Variants in MAP3K5 observed in about 807,000 individuals in gnomAD.
The protein encoded by MAP3K5 is mitogen-activated protein kinase kinase kinase 5, also known as ASK-1.
MAP3K5 carries 56 observed loss-of-function variants against 158.7 expected under a neutral mutation model. That is an observed-to-expected ratio of 0.35 (90% CI 0.28 to 0.44). MAP3K5 has a LOEUF of 0.44. MAP3K5 is among the 20% of genes least tolerant of loss of function. The probability of loss-of-function intolerance (pLI) is 1.00; values close to 1 mark genes in which losing one functional copy is unlikely to be tolerated. For synonymous variants in MAP3K5, 579 were observed against 601.7 expected, an observed-to-expected ratio of 0.96 and a Z score of 0.55; for missense variants, 1,294 against 1,674.8, an observed-to-expected ratio of 0.77 and a Z score of 3.97.
chr6:136,754,387 G>A (rs1783372038), intron 1 of MAP3K5, among the ~76,000 whole-genome samples: 1 of 152,090 alleles, frequency 6.6e-6, no homozygotes, highest in Non-Finnish European at 1.5e-5. Flanking sequence ...ACACCAGCCT[G>A]GGCAACATGG....
chr6:136,739,912 C>T (rs896640359), intron 1 of MAP3K5, among the ~76,000 whole-genome samples: 1 of 152,214 alleles, frequency 6.6e-6, no homozygotes, highest in African/African-American at 2.4e-5. Context: ...GCACCATTAG[C>T]TGTCCCTTCC....
chr6:136,669,423 A>G (rs1299498208), intron 7 of MAP3K5, 28 bp from the exon 8 acceptor site: 1 of 1,308,992 alleles, frequency 7.6e-7, no homozygotes, highest in African/African-American at 1.5e-5. Context: ...TGTACAAGTT[A>G]ACTTTCTCAA....
chr6:136,786,870 T>C (rs1245248623), intron 1 of MAP3K5, among the ~76,000 whole-genome samples: 4 of 150,994 alleles, frequency 2.6e-5, no homozygotes, highest in African/African-American at 9.8e-5. Context: ...AGTAGCACGA[T>C]TTCAGCTCAC....
At chr6:136,710,325 C>T (rs764400074) in intron 2 of MAP3K5, among the ~76,000 whole-genome samples, 1 of 152,256 alleles carries the variant, frequency 6.6e-6, no homozygotes, top group African/African-American at 2.4e-5. Context: ...AGTTCCTTGC[C>T]AGGGGCACAT....
chr6:136,592,595 G>A lies in MAP3K5; in HGVS notation c.2898C>T (p.Ser966=). Residue 966 remains serine, a synonymous_variant, in exon 22 of 30, where the codon TCC becomes TCT. Coordinates refer to ENST00000359015, the MANE Select transcript of MAP3K5 (RefSeq NM_005923.4). ...AGSNEYLRSI[S]LPVPVLVEDT... ...CCTCCACCAGCACAGGTACCGGCAAGGATATACTCCTGAGATATTCTGCTT... is the reference window on the plus strand; with the variant it reads ...CCTCCACCAGCACAGGTACCGGCAAAGATATACTCCTGAGATATTCTGCTT... 6.2e-7 allele frequency: 1 copy of A among 1,613,720 alleles called. No individual in the cohort carries two copies. The highest frequency in any genetic ancestry group is 1.6e-4 in the Middle Eastern group (1 of 6,062).
At chr6:136,699,998 G>A (rs1383624062) in intron 3 of MAP3K5, among the ~76,000 whole-genome samples, 1 of 152,036 alleles carries the variant, frequency 6.6e-6, no homozygotes, top group Non-Finnish European at 1.5e-5. Flanking sequence ...GGAGGCTGAG[G>A]TGCGAGAATC....
At chr6:136,627,886 A>G (rs1330013668) in intron 14 of MAP3K5, among the ~76,000 whole-genome samples, 1 of 152,218 alleles carries the variant, frequency 6.6e-6, no homozygotes, top group Non-Finnish European at 1.5e-5. Flanking sequence ...CCTCGTCTGG[A>G]CACTTGAGCT....
At chr6:136,791,139 C>T (rs918681916) in intron 1 of MAP3K5, among the ~76,000 whole-genome samples, 8 of 152,176 alleles carry the variant, frequency 5.3e-5, no homozygotes, top group Non-Finnish European at 2.9e-5. Context: ...TTTGGAAGCA[C>T]TGTAATTACT....
In MAP3K5 at chr6:136,697,389, T is replaced by C; in HGVS notation, c.807-2A>G. On this transcript the variant is annotated splice_acceptor_variant, in intron 4 of 29. Transcript: ENST00000359015. LOFTEE classifies it high-confidence loss of function. ...AGTATAGATTCCCGGAAGTACTGGCTGGTAAAAACACACACATTTCAAAGA... is the reference window on the plus strand; with the variant it reads ...AGTATAGATTCCCGGAAGTACTGGCCGGTAAAAACACACACATTTCAAAGA... The C allele has an allele frequency of 6.3e-7, 1 of 1,594,616 alleles. No individual in the cohort carries two copies. The highest frequency in any genetic ancestry group is 1.1e-5 in the South Asian group (1 of 88,148).
At chr6:136,589,643 C>T (rs73777940) in intron 23 of MAP3K5, among the ~76,000 whole-genome samples, 9,339 of 151,996 alleles carry the variant, frequency 0.061, 841 homozygotes, top group African/African-American at 0.2. Flanking sequence ...TAAGTGAGGT[C>T]GTAAGGGTGG....
chr6:136,600,187 A>ATT lies in MAP3K5; in HGVS notation c.2878+833_2878+834dup, dbSNP rs907571176. Among the ~76,000 whole-genome samples, 86 of 132,712 alleles carry ATT rather than the reference A, an allele frequency of 6.5e-4. 3 individuals carry two copies. The highest frequency in any genetic ancestry group is 2.1e-3 in the African/African-American group (73 of 34,306). 87.1% of individuals were successfully genotyped at this position (132,712 alleles called of 152,430 possible). ...AGGAAAATCCAACACCATGCTGTTA[A>ATT]TTTTTTTTTTTTTTTTTTTTTGAGA... On this transcript the variant is annotated intron_variant, in intron 21 of 29. Transcript: ENST00000359015.
chr6:136,740,988 G>C (rs1446974949), intron 1 of MAP3K5, among the ~76,000 whole-genome samples: 6 of 152,090 alleles, frequency 3.9e-5, no homozygotes, highest in Non-Finnish European at 7.4e-5. Flanking sequence ...ACTTCTTCAT[G>C]TTGAATTCCC....
At chr6:136,703,207 G>T (rs552323997) in intron 3 of MAP3K5, among the ~76,000 whole-genome samples, 1 of 152,108 alleles carries the variant, frequency 6.6e-6, no homozygotes, top group Non-Finnish European at 1.5e-5. Context: ...CACCTGAAAC[G>T]CAACACCTCT....
chr6:136,559,343 C>A (rs886708627), intron 28 of MAP3K5, among the ~76,000 whole-genome samples: 4 of 138,902 alleles, frequency 2.9e-5, no homozygotes, highest in Non-Finnish European at 4.9e-5. Flanking sequence ...CAGAGTGAGA[C>A]TCCGTCTCAA....
At chr6:136,604,824 A>T (rs961424215) in intron 19 of MAP3K5, among the ~76,000 whole-genome samples, 1 of 152,184 alleles carries the variant, frequency 6.6e-6, no homozygotes, top group African/African-American at 2.4e-5. Flanking sequence ...AGTAAAGGAA[A>T]TTATTAATTT....
At chr6:136,731,711 A>G (rs554114593) in intron 1 of MAP3K5, among the ~76,000 whole-genome samples, 2 of 152,356 alleles carry the variant, frequency 1.3e-5, no homozygotes, top group South Asian at 4.1e-4. Flanking sequence ...AAGCTGCATG[A>G]TAACGAAGGT....
At chr6:136,730,660 T>G (rs1304810236) in intron 1 of MAP3K5, among the ~76,000 whole-genome samples, 1 of 147,098 alleles carries the variant, frequency 6.8e-6, no homozygotes, top group Non-Finnish European at 1.5e-5. Flanking sequence ...AGGCAGAGCT[T>G]GCAGTGAGCC....
chr6:136,656,486 G>T, intron 9 of MAP3K5, 26 bp from the exon 10 acceptor site: 1 of 1,474,718 alleles, frequency 6.8e-7, no homozygotes, highest in African/African-American at 1.4e-5. Context: ...TATAAAACAT[G>T]TAACAGACAA....
chr6:136,565,831 T>C (rs1774080804), intron 26 of MAP3K5, among the ~76,000 whole-genome samples: 1 of 152,166 alleles, frequency 6.6e-6, no homozygotes, highest in Non-Finnish European at 1.5e-5. Flanking sequence ...CTCACTTTTC[T>C]GTGGGTGATG....
Sources: gnomAD v4.1 joint callset for allele counts (sites outside exome capture counted in the v4.1 genomes callset) on GRCh38, gnomAD v4.1.1 for gene constraint, MANE v1.5 for transcripts, NCBI Gene and HGNC (gene_info 2026-07-23, HGNC 2026-07-21) for gene names.